ST8SIA5: variants seen among roughly 807,000 people sequenced by gnomAD.
ST8SIA5 encodes the protein alpha-2,8-sialyltransferase 8E.
In ST8SIA5, 24 loss-of-function variants were observed where a neutral mutation model predicts 40.2. The ratio of observed to expected loss-of-function variants is 0.60; its 90% CI spans 0.43 to 0.84. The LOEUF is 0.84. Ranked by LOEUF, ST8SIA5 falls within the 40% of genes least tolerant of loss-of-function variation. ST8SIA5 has a pLI of 0.00. For missense variants in ST8SIA5, 465 were observed against 498.5 expected (o/e 0.93, Z 0.64); for synonymous variants, 198 against 201.8 (o/e 0.98, Z 0.16).
rs993193335 is a variant in ST8SIA5, at chr18:46,668,381, G to A, written c.*11661C>T. ...CCGGCTGCCTTCATGCAGGCTCCTGGGCAGGGGTGCCAGGAAACTGACACC... is the reference window on the plus strand; with the variant it reads ...CCGGCTGCCTTCATGCAGGCTCCTGAGCAGGGGTGCCAGGAAACTGACACC... On this transcript the variant is annotated 3_prime_UTR_variant, in exon 7 of 7. Coordinates refer to ENST00000315087, the MANE Select transcript of ST8SIA5 (RefSeq NM_013305.6). 1 of 152,214 alleles carries A rather than the reference G, an allele frequency of 6.6e-6. No individual in the cohort carries two copies. The highest frequency in any genetic ancestry group is 1.5e-5 in the Non-Finnish European group (1 of 68,032). 9.4% of individuals were successfully genotyped at this position (152,214 alleles called of 1,614,324 possible). A position where few individuals can be genotyped will look rare whatever the true frequency, so the allele number is the denominator to read the frequency against.
rs1474545405 is a variant in ST8SIA5 at position 46,689,005 on chromosome 18, G to C, written c.312-86C>G. ...AGCACAACCTCACGGAGAACAGAGG[G>C]GTGGAGCCGAGGCCTCTCCTGCTCA... is the stretch of plus-strand genomic sequence containing the variant. On this transcript the variant is annotated intron_variant, in intron 3 of 6. Transcript: ENST00000315087. The C allele has an allele frequency of 1.1e-5, 16 of 1,488,900 alleles. No individual in the cohort carries two copies. The East Asian group carries it at 3.5e-4, about 33-fold the overall frequency. 92.2% of individuals were successfully genotyped at this position (1,488,900 alleles called of 1,614,324 possible). A position where few individuals can be genotyped will look rare whatever the true frequency, so the allele number is the denominator to read the frequency against.
At position 46,679,982 on chromosome 18, in the gene ST8SIA5, C is replaced by A; in HGVS notation, c.*60G>T. ...GCTGCCCGGTTCGGGGCTCCCAGTT[C>A]CACCAGGAGGGACAGCAGGAGAGGG... On this transcript the variant is annotated 3_prime_UTR_variant, in exon 7 of 7. Transcript: ENST00000315087. 1 of 1,511,888 alleles carries A rather than the reference C, an allele frequency of 6.6e-7. No individual in the cohort carries two copies. Among genetic ancestry groups the A allele is most frequent in the Non-Finnish European group, 8.9e-7 (1 of 1,122,368 alleles). 93.7% of individuals were successfully genotyped at this position (1,511,888 alleles called of 1,614,324 possible).
In ST8SIA5 at chr18:46,700,337, G is replaced by A. The variant is rs529395298; in HGVS notation, c.224+4235C>T. 3.7e-4 allele frequency among the ~76,000 whole-genome samples: 56 copies of A among 152,310 alleles called. 1 individual carries two copies. The South Asian group carries it at 7.9e-3, about 21-fold the overall frequency. On this transcript the variant is annotated intron_variant, in intron 2 of 6. Transcript: ENST00000315087. Reference sequence around the variant, plus strand: ...ACACCAGCTGACATTCTGCAGGCCCGAAGGGGCAAAGCACATCCATCAGCC... The same window carrying A: ...ACACCAGCTGACATTCTGCAGGCCCAAAGGGGCAAAGCACATCCATCAGCC...
chr18:46,686,634 T>C (rs1038240299), intron 4 of ST8SIA5, among the ~76,000 whole-genome samples: 6 of 152,116 alleles, frequency 3.9e-5, no homozygotes, highest in Non-Finnish European at 8.8e-5. Flanking sequence ...TGGAGAGCCA[T>C]GCTGCCCTGG....
chr18:46,691,137 C>T (rs896184200), intron 3 of ST8SIA5, among the ~76,000 whole-genome samples: 1 of 152,226 alleles, frequency 6.6e-6, no homozygotes. Context: ...TTTGCTCAAG[C>T]TCATGTTCTG....
rs564211641 is a variant in ST8SIA5, at chr18:46,755,341, A to T, written c.131+1037T>A. Among the ~76,000 whole-genome samples, 9 of 152,324 alleles carry T rather than the reference A, an allele frequency of 5.9e-5. No homozygotes were observed. In the East Asian group the frequency reaches 1.7e-3, roughly 29 times the overall value. On this transcript the variant is annotated intron_variant, in intron 1 of 6. Coordinates refer to ENST00000315087, the MANE Select transcript of ST8SIA5 (RefSeq NM_013305.6). Reference sequence around the variant, plus strand: ...GGGGAAGTTTAGAGAAGAAGGTGGGATGCTTACTTAGCTAGAGAGACATTT... The same window carrying T: ...GGGGAAGTTTAGAGAAGAAGGTGGGTTGCTTACTTAGCTAGAGAGACATTT...
intron 5 of ST8SIA5, among the ~76,000 whole-genome samples, chr18:46,685,407 G>A (rs527838289): frequency 6.6e-6 from 1 of 152,322 alleles, no homozygotes; most frequent in Non-Finnish European, 1.5e-5. Context: ...ACAGAGAGAG[G>A]TGTGTCTCTC....
At chr18:46,690,827 G>C (rs960421062) in intron 3 of ST8SIA5, among the ~76,000 whole-genome samples, 3 of 152,080 alleles carry the variant, frequency 2.0e-5, no homozygotes, top group Non-Finnish European at 4.4e-5. Context: ...TGTTGGCCAG[G>C]CTGATCTTGA....
In ST8SIA5 at chr18:46,676,508, C is replaced by G. The variant is rs997298772; in HGVS notation, c.*3534G>C. On this transcript the variant is annotated 3_prime_UTR_variant, in exon 7 of 7. Transcript: ENST00000315087. ...AGCACTGCTCTGCTTCCTCCCTGCTCTCAGCAAAGTCAAGGGCGATGAGCA... is the reference window on the plus strand; with the variant it reads ...AGCACTGCTCTGCTTCCTCCCTGCTGTCAGCAAAGTCAAGGGCGATGAGCA... 3 of 152,268 alleles carry G rather than the reference C, an allele frequency of 2.0e-5. No homozygotes were observed. The highest frequency in any genetic ancestry group is 2.1e-4 in the South Asian group (1 of 4,836). The allele number at this position is 152,268 out of a possible 1,614,324, so 9.4% of individuals were successfully genotyped here. A position where few individuals can be genotyped will look rare whatever the true frequency, so the allele number is the denominator to read the frequency against.
In ST8SIA5 at chr18:46,677,530, C is replaced by T. The variant is rs980632423; in HGVS notation, c.*2512G>A. 6.6e-6 allele frequency: 1 copy of T among 152,156 alleles called. No individual in the cohort carries two copies. The highest frequency in any genetic ancestry group is 2.4e-5 in the African/African-American group (1 of 41,438). 9.4% of individuals were successfully genotyped at this position (152,156 alleles called of 1,614,324 possible). On this transcript the variant is annotated 3_prime_UTR_variant, in exon 7 of 7. Coordinates refer to ENST00000315087, the MANE Select transcript of ST8SIA5 (RefSeq NM_013305.6). Reference sequence around the variant, plus strand: ...GTTTAGATCCATTCATCATGAATGTCCCCCCAAAATAAGGACATTGTACAG... The same window carrying T: ...GTTTAGATCCATTCATCATGAATGTTCCCCCAAAATAAGGACATTGTACAG...
intron 1 of ST8SIA5, among the ~76,000 whole-genome samples, chr18:46,730,644 G>A (rs557934472): frequency 2.0e-5 from 3 of 152,216 alleles, no homozygotes; most frequent in South Asian, 4.1e-4. Flanking sequence ...ACCAGCCTAG[G>A]CAACATAGTG....
chr18:46,684,771 C>T (rs917586012), intron 5 of ST8SIA5, among the ~76,000 whole-genome samples: 4 of 152,150 alleles, frequency 2.6e-5, no homozygotes, highest in South Asian at 2.1e-4. Context: ...CCTGCAAGAG[C>T]GAGACCACTC....
intron 1 of ST8SIA5, among the ~76,000 whole-genome samples, chr18:46,727,196 C>T (rs1227252023): frequency 6.6e-6 from 1 of 152,258 alleles, no homozygotes; most frequent in East Asian, 1.9e-4. Flanking sequence ...CCCATACTTA[C>T]TCAAAAGTTA....
rs1416738872 is a variant in ST8SIA5, at chr18:46,682,059, T to C, written c.575A>G (p.Asn192Ser). Residue 192 changes from asparagine (N) to serine (S), a missense_variant, in exon 6 of 7, where the codon AAC becomes AGC. Coordinates refer to ENST00000315087, the MANE Select transcript of ST8SIA5 (RefSeq NM_013305.6). ...GTACTTCTCTGAGATGGGGGGCAGG[T>C]TGCACCTGCAGAAGAGAAAAGGCAG... ...INSADFVFRC[N>S]LPPISEKYTM... 4.4e-6 allele frequency: 7 copies of C among 1,607,454 alleles called. No homozygotes were observed. Among genetic ancestry groups the C allele is most frequent in the African/African-American group, 2.7e-5 (2 of 74,820 alleles).
intron 1 of ST8SIA5, among the ~76,000 whole-genome samples, chr18:46,751,370 A>G (rs1342509949): frequency 2.0e-5 from 3 of 151,768 alleles, no homozygotes; most frequent in African/African-American, 7.2e-5. Context: ...GGATTTATTT[A>G]TTTATTTATT....
chr18:46,742,231 G>T (rs1411887918), intron 1 of ST8SIA5, among the ~76,000 whole-genome samples: 1 of 151,970 alleles, frequency 6.6e-6, no homozygotes, highest in Non-Finnish European at 1.5e-5. Flanking sequence ...ATTCAATGAT[G>T]ACACTTTTTT....
At chr18:46,752,591 C>T (rs897259684) in intron 1 of ST8SIA5, among the ~76,000 whole-genome samples, 1 of 152,190 alleles carries the variant, frequency 6.6e-6, no homozygotes, top group Non-Finnish European at 1.5e-5. Flanking sequence ...GCAAATGGAC[C>T]CCCAGAGTTC....
chr18:46,701,032 C>T (rs2039608251), intron 2 of ST8SIA5, among the ~76,000 whole-genome samples: 1 of 151,026 alleles, frequency 6.6e-6, no homozygotes, highest in Non-Finnish European at 1.5e-5. Context: ...GAAGCTGTGA[C>T]AGGGGCTGTT....
intron 1 of ST8SIA5, among the ~76,000 whole-genome samples, chr18:46,708,696 C>T (rs954046123): frequency 9.9e-5 from 15 of 152,186 alleles, no homozygotes; most frequent in African/African-American, 3.6e-4. Flanking sequence ...CCTGCAAACC[C>T]TGCCTCACCA....
Sources: gnomAD v4.1 joint callset for allele counts (sites outside exome capture counted in the v4.1 genomes callset) on GRCh38, gnomAD v4.1.1 for gene constraint, MANE v1.5 for transcripts, NCBI Gene and HGNC (gene_info 2026-07-23, HGNC 2026-07-21) for gene names.